RBM41: variants seen among roughly 807,000 people sequenced by gnomAD.
The protein encoded by RBM41 is RNA-binding protein 41.
RBM41 carries 14 observed loss-of-function variants against 30.8 expected under a neutral mutation model. That is an observed-to-expected ratio of 0.45 (90% CI 0.30 to 0.71). The LOEUF is 0.71. RBM41 is among the 30% of genes least tolerant of loss of function. The pLI is 0.08. For synonymous variants in RBM41, 120 were observed against 110.1 expected, an observed-to-expected ratio of 1.09 and a Z score of -0.56; for missense variants, 276 against 326.3, an observed-to-expected ratio of 0.85 and a Z score of 1.19.
At chrX:107,107,778 TGACAGATTGGGAGAAAATTAAAAGGTCAA>T (rs1924130109) in intron 5 of RBM41, among the ~76,000 whole-genome samples, 1 of 110,771 alleles carries the variant, frequency 9.0e-6, no homozygotes, top group South Asian at 3.9e-4. Context: ...AGAAAGGGGC[TGACAGATTGGGAGAAAATTAAAAGGTCAA>T]GGAACTGGAG....
chrX:107,106,786 G>A (rs1443591669), intron 5 of RBM41, among the ~76,000 whole-genome samples: 1 of 105,786 alleles, frequency 9.5e-6, no homozygotes, highest in Non-Finnish European at 1.9e-5. Context: ...ACCAAACACT[G>A]CATGTTCTCA....
chrX:107,085,683 T>G (rs1921977083), intron 6 of RBM41, among the ~76,000 whole-genome samples: 1 of 112,190 alleles, frequency 8.9e-6, no homozygotes, highest in Admixed American at 9.5e-5. Flanking sequence ...ATGAGATTTC[T>G]TAAGTCTATA....
intron 6 of RBM41, among the ~76,000 whole-genome samples, chrX:107,080,155 T>C (rs971245856): frequency 9.0e-6 from 1 of 111,364 alleles, no homozygotes; most frequent in East Asian, 2.8e-4. Flanking sequence ...AATGCAGTAG[T>C]TGGACTGTGT....
At chrX:107,079,823 ATC>A (rs1419697433) in intron 6 of RBM41, among the ~76,000 whole-genome samples, 1 of 111,749 alleles carries the variant, frequency 8.9e-6, no homozygotes, top group Non-Finnish European at 1.9e-5. Context: ...GTCATTTATC[ATC>A]TGTCTATAGT....
At chrX:107,086,002 G>GA (rs1316153812) in intron 6 of RBM41, among the ~76,000 whole-genome samples, 1 of 111,725 alleles carries the variant, frequency 9.0e-6, no homozygotes, top group Non-Finnish European at 1.9e-5. Context: ...AAATAAATAT[G>GA]AAAAAACAAA....
chrX:107,059,147 AC>A (rs1451201826), downstream of RBM41, among the ~76,000 whole-genome samples: 1 of 111,451 alleles, frequency 9.0e-6, no homozygotes, highest in Non-Finnish European at 1.9e-5. Context: ...AAGGGCATTA[AC>A]CCCATCCTGA....
intron 5 of RBM41, among the ~76,000 whole-genome samples, chrX:107,091,080 T>C (rs1305648739): frequency 9.0e-6 from 1 of 111,166 alleles, no homozygotes; most frequent in South Asian, 3.8e-4. Context: ...TGTTCTTGTG[T>C]TAGTTTGTTG....
chrX:107,085,869 TG>T (rs1167340981), intron 6 of RBM41, among the ~76,000 whole-genome samples: 1 of 112,002 alleles, frequency 8.9e-6, no homozygotes, highest in Non-Finnish European at 1.9e-5. Flanking sequence ...AACATTAAAA[TG>T]AAAGACTTTT....
intron 5 of RBM41, among the ~76,000 whole-genome samples, chrX:107,090,798 T>G (rs987191085): frequency 5.4e-5 from 6 of 111,539 alleles, no homozygotes; most frequent in African/African-American, 2.0e-4. Flanking sequence ...TATTTATTTT[T>G]TTTTAAATTT....
At chrX:107,113,298 A>T (rs1241703650) in intron 5 of RBM41, 99 bp downstream of exon 5, 1 of 914,467 alleles carries the variant, frequency 1.1e-6, no homozygotes, top group Non-Finnish European at 1.4e-6. Context: ...CATTTCCTAT[A>T]AACATTGTCA....
intron 5 of RBM41, among the ~76,000 whole-genome samples, chrX:107,101,831 A>G (rs1368218463): frequency 8.9e-6 from 1 of 112,129 alleles, no homozygotes; most frequent in Non-Finnish European, 1.9e-5. Context: ...GCTTTAACAA[A>G]TACCTAAAAA....
intron 5 of RBM41, among the ~76,000 whole-genome samples, chrX:107,099,222 T>C (rs1923239984): frequency 9.0e-6 from 1 of 111,043 alleles, no homozygotes; most frequent in African/African-American, 3.3e-5. Flanking sequence ...TATAAGAAAA[T>C]GCACCTATGA....
intron 5 of RBM41, among the ~76,000 whole-genome samples, chrX:107,089,259 C>G (rs762386872): frequency 8.9e-6 from 1 of 111,948 alleles, no homozygotes; most frequent in African/African-American, 3.2e-5. Context: ...GCTGTTATAT[C>G]TCTTAAGATA....
intron 6 of RBM41, among the ~76,000 whole-genome samples, chrX:107,078,735 CAT>C (rs1332285306): frequency 1.8e-5 from 2 of 108,413 alleles, no homozygotes; most frequent in African/African-American, 6.7e-5. Context: ...TGTCAAAAAA[CAT>C]AAAATCATCA....
rs372375701 is a variant in RBM41 at position 107,118,755 on chromosome X, C to A, written c.8+11G>T. ...CTCCCCTTGCCGCCTGCTCTTCAGA[C>A]AAGTCCTTACCTCTTCATGTTTCCA... On this transcript the variant is annotated intron_variant, in intron 1 of 7. Coordinates refer to ENST00000685964, the MANE Select transcript of RBM41 (RefSeq NM_001324242.2). 6.6e-6 allele frequency: 8 copies of A among 1,210,147 alleles called. No individual in the cohort carries two copies. The highest frequency in any genetic ancestry group is 5.2e-5 in the African/African-American group (3 of 57,215).
intron 6 of RBM41, among the ~76,000 whole-genome samples, chrX:107,083,804 C>T (rs1284650497): frequency 9.0e-6 from 1 of 111,011 alleles, no homozygotes; most frequent in Non-Finnish European, 1.9e-5. Context: ...ATGTTATCTA[C>T]TTTTATTCAT....
rs946590530 is a variant in RBM41, at chrX:107,115,216, G to A, written c.523+136C>T. 3.4e-5 allele frequency: 21 copies of A among 609,684 alleles called. No homozygotes were observed. In the African/African-American group the frequency reaches 4.5e-4, roughly 13 times the overall value. 50.2% of individuals were successfully genotyped at this position (609,684 alleles called of 1,213,427 possible). On this transcript the variant is annotated intron_variant, in intron 4 of 7. Transcript: ENST00000685964. Reference sequence around the variant, plus strand: ...CTGTGCACATATTTGTCTCTCTTATGGTATTATACATTTCTCAAAAGTAGT... The same window carrying A: ...CTGTGCACATATTTGTCTCTCTTATAGTATTATACATTTCTCAAAAGTAGT...
chrX:107,105,691 C>A (rs1053157567), intron 5 of RBM41, among the ~76,000 whole-genome samples: 1 of 111,150 alleles, frequency 9.0e-6, no homozygotes, highest in African/African-American at 3.3e-5. Flanking sequence ...TGGAACACAA[C>A]AGAGCCCTCA....
rs1055740546 is a variant in RBM41 at position 107,065,550 on chromosome X, C to T, written c.*1977G>A. On this transcript the variant is annotated 3_prime_UTR_variant, in exon 8 of 8. Coordinates refer to ENST00000685964, the MANE Select transcript of RBM41 (RefSeq NM_001324242.2). ...TTATATATGTTATTCCTATACATTA[C>T]AAACCCAACACACATTATTATAATT... 4.6e-5 allele frequency: 15 copies of T among 323,290 alleles called. No individual in the cohort carries two copies. Among genetic ancestry groups the T allele is most frequent in the Non-Finnish European group, 6.3e-5 (12 of 191,853 alleles). The allele number at this position is 323,290 out of a possible 1,213,427, so 26.6% of individuals were successfully genotyped here. A position where few individuals can be genotyped will look rare whatever the true frequency, so the allele number is the denominator to read the frequency against.
Sources: gnomAD v4.1 joint callset for allele counts (sites outside exome capture counted in the v4.1 genomes callset) on GRCh38, gnomAD v4.1.1 for gene constraint, MANE v1.5 for transcripts, NCBI Gene and HGNC (gene_info 2026-07-23, HGNC 2026-07-21) for gene names.